The following CSMD1 variants were observed in gnomAD, a reference collection of about 807,000 sequenced individuals.
CSMD1 encodes the protein CUB and Sushi multiple domains 1.
CSMD1 carries 213 observed loss-of-function variants against 417.5 expected under a neutral mutation model. That is an observed-to-expected ratio of 0.51 (90% CI 0.46 to 0.57). The LOEUF (loss-of-function observed/expected upper bound fraction) is 0.57. CSMD1 is among the 20% of genes least tolerant of loss of function. CSMD1 has a pLI of 0.00. For synonymous variants in CSMD1, 2,862 were observed against 1,736.8 expected (o/e 1.65, Z -16.11); for missense variants, 6,923 against 4,529.7 (o/e 1.53, Z -15.17).
At chr8:3,752,207 G>A (rs1417279482) in intron 6 of CSMD1, among the ~76,000 whole-genome samples, 1 of 152,034 alleles carries the variant, frequency 6.6e-6, no homozygotes, top group East Asian at 1.9e-4. Flanking sequence ...AGGAGGATCG[G>A]CCTGGCCTGG....
chr8:2,974,266 T>C (rs1371701605), intron 56 of CSMD1, among the ~76,000 whole-genome samples, 185 bp downstream of exon 56: 1 of 152,248 alleles, frequency 6.6e-6, no homozygotes, highest in Non-Finnish European at 1.5e-5. Context: ...TGTCTAACGA[T>C]TATTGCGAAG....
chr8:4,446,821 C>G (rs920600824), intron 2 of CSMD1, among the ~76,000 whole-genome samples: 1 of 149,204 alleles, frequency 6.7e-6, no homozygotes, highest in South Asian at 2.1e-4. Flanking sequence ...CAAGTTTTCT[C>G]CATCTTGGCC....
chr8:3,640,454 T>G (rs1307599428), intron 7 of CSMD1, among the ~76,000 whole-genome samples: 5 of 152,246 alleles, frequency 3.3e-5, no homozygotes, highest in Admixed American at 6.5e-5. Flanking sequence ...GACTCCTTCC[T>G]CAACTCTGGA....
intron 3 of CSMD1, among the ~76,000 whole-genome samples, chr8:4,161,633 G>T (rs1563205301): frequency 6.6e-6 from 1 of 152,208 alleles, no homozygotes; most frequent in East Asian, 1.9e-4. Flanking sequence ...AATGTCAAAA[G>T]TTTAATGTGT....
intron 5 of CSMD1, among the ~76,000 whole-genome samples, chr8:3,811,879 T>G (rs1801110458): frequency 6.6e-6 from 1 of 152,188 alleles, no homozygotes; most frequent in African/African-American, 2.4e-5. Flanking sequence ...CTATGTGTTG[T>G]GTTTTTGCTC....
intron 5 of CSMD1, among the ~76,000 whole-genome samples, chr8:3,801,464 G>A (rs912420955): frequency 6.6e-6 from 1 of 152,148 alleles, no homozygotes; most frequent in African/African-American, 2.4e-5. Context: ...TCACTGGACA[G>A]ATGATAATAG....
intron 66 of CSMD1, 125 bp downstream of exon 66, chr8:2,950,989 A>C: frequency 1.1e-6 from 1 of 871,164 alleles, no homozygotes; most frequent in Non-Finnish European, 1.7e-6. Flanking sequence ...CCAATGAGTT[A>C]CAGTATATAC....
At chr8:4,554,141 T>C (rs186818801) in intron 2 of CSMD1, among the ~76,000 whole-genome samples, 1 of 152,138 alleles carries the variant, frequency 6.6e-6, no homozygotes. Flanking sequence ...CAATCGCGAT[T>C]TATTTATTTT....
rs117961631 is a variant in CSMD1, at chr8:3,243,223, G to A, written c.4154-12992C>T. 7.5e-4 allele frequency among the ~76,000 whole-genome samples: 114 copies of A among 152,264 alleles called. 1 individual carries two copies. The highest frequency in any genetic ancestry group is 5.9e-4 in the Non-Finnish European group (40 of 68,016). On this transcript the variant is annotated intron_variant, in intron 26 of 69. Transcript: ENST00000635120. ...CTTGGGGTGGTGGGTCTGAGGACCC[G>A]TGGTGGTAGGTGGATCTTTTTCACG...
chr8:3,330,668 C>T (rs962722066), intron 23 of CSMD1, among the ~76,000 whole-genome samples: 6 of 152,048 alleles, frequency 3.9e-5, no homozygotes, highest in African/African-American at 1.4e-4. Flanking sequence ...GCCTGGGTGA[C>T]CAAATAATCT....
chr8:4,325,006 T>A (rs536349106), intron 3 of CSMD1, among the ~76,000 whole-genome samples: 7 of 152,092 alleles, frequency 4.6e-5, no homozygotes, highest in African/African-American at 1.4e-4. Flanking sequence ...CCTGGTGTGG[T>A]CACTCATTGA....
chr8:3,438,118 A>G (rs1814696078), intron 12 of CSMD1, among the ~76,000 whole-genome samples: 1 of 152,218 alleles, frequency 6.6e-6, no homozygotes, highest in Non-Finnish European at 1.5e-5. Flanking sequence ...TTGAATATTC[A>G]GGTCCATCTG....
chr8:4,154,521 T>C (rs900849717), intron 3 of CSMD1, among the ~76,000 whole-genome samples: 1 of 152,068 alleles, frequency 6.6e-6, no homozygotes, highest in Admixed American at 6.6e-5. Flanking sequence ...AGAGCCACTG[T>C]GGAGAAAGAG....
chr8:3,007,384 G>C (rs371025930), intron 52 of CSMD1, among the ~76,000 whole-genome samples: 1,981 of 150,824 alleles, frequency 0.013, 30 homozygotes, highest in African/African-American at 0.041. Flanking sequence ...GGATCTAGAA[G>C]TAGAAATACC....
At chr8:3,742,824 G>A (rs577540304) in intron 6 of CSMD1, among the ~76,000 whole-genome samples, 6 of 152,276 alleles carry the variant, frequency 3.9e-5, no homozygotes, top group African/African-American at 1.2e-4. Context: ...CTCATATAAG[G>A]AGACCCAACT....
chr8:4,510,539 A>G (rs1802765255), intron 2 of CSMD1, among the ~76,000 whole-genome samples: 1 of 151,510 alleles, frequency 6.6e-6, no homozygotes, highest in South Asian at 2.1e-4. Flanking sequence ...TTCCCTACTC[A>G]AAGCAATCTT....
intron 5 of CSMD1, among the ~76,000 whole-genome samples, chr8:3,845,557 T>C (rs34522747): frequency 0.35 from 53,644 of 152,082 alleles, 9,737 homozygotes; most frequent in Non-Finnish European, 0.4. Flanking sequence ...TGGGTGTCAG[T>C]GAACGAGTGA....
intron 2 of CSMD1, among the ~76,000 whole-genome samples, chr8:4,599,704 G>GCAA (rs1300207274): frequency 6.6e-6 from 1 of 152,128 alleles, no homozygotes; most frequent in Non-Finnish European, 1.5e-5. Flanking sequence ...CCAGGTGATA[G>GCAA]CCAGTCATAG....
chr8:4,691,464 T>G (rs1053394982), intron 1 of CSMD1, among the ~76,000 whole-genome samples: 1 of 152,200 alleles, frequency 6.6e-6, no homozygotes, highest in Admixed American at 6.5e-5. Flanking sequence ...ATTTTATCAT[T>G]GATGGAACTC....
Sources: gnomAD v4.1 joint callset for allele counts (sites outside exome capture counted in the v4.1 genomes callset) on GRCh38, gnomAD v4.1.1 for gene constraint, MANE v1.5 for transcripts, NCBI Gene and HGNC (gene_info 2026-07-23, HGNC 2026-07-21) for gene names.